GRM4: variants seen among roughly 807,000 people sequenced by gnomAD.
GRM4 encodes the protein metabotropic glutamate receptor 4.
Under a neutral mutation model 81.7 loss-of-function variants are expected in GRM4, and 28 were observed. That is an observed-to-expected ratio of 0.34 (90% confidence interval 0.25 to 0.47). The LOEUF is 0.47. Ranked by LOEUF, GRM4 falls within the 20% of genes least tolerant of loss-of-function variation. The pLI, the probability that GRM4 is intolerant of heterozygous loss-of-function variation, is 1.00. For missense variants in GRM4, 948 were observed against 1,290.0 expected, an observed-to-expected ratio of 0.73 and a Z score of 4.06; for synonymous variants, 488 against 528.8, an observed-to-expected ratio of 0.92 and a Z score of 1.06.
intron 2 of GRM4, among the ~76,000 whole-genome samples, chr6:34,120,362 G>A (rs1007845035): frequency 6.6e-6 from 1 of 152,140 alleles, no homozygotes; most frequent in African/African-American, 2.4e-5. Context: ...AGGTCCTGTG[G>A]GGGTGAGGGA....
intron 2 of GRM4, among the ~76,000 whole-genome samples, chr6:34,125,059 C>T (rs181160587): frequency 1.4e-4 from 22 of 152,220 alleles, no homozygotes; most frequent in South Asian, 1.2e-3. Flanking sequence ...CTGCAAGCTC[C>T]GCCTCCCGGG....
intron 9 of GRM4, among the ~76,000 whole-genome samples, chr6:34,033,925 G>A (rs2127441128): frequency 6.6e-6 from 1 of 152,256 alleles, no homozygotes; most frequent in East Asian, 1.9e-4. Flanking sequence ...TTTTGCTAGA[G>A]ACAGGGTTTC....
rs1245615793 is a variant in GRM4 at position 34,042,070 on chromosome 6, G to A, written c.1169-1322C>T. ...AGTTCAAGACCAGCCCAGCCAACAC[G>A]CTGAAACCCCATCTCTACTCAAAAT... is the stretch of plus-strand genomic sequence containing the variant. On this transcript the variant is annotated intron_variant, in intron 6 of 10. Coordinates refer to ENST00000538487, the MANE Select transcript of GRM4 (RefSeq NM_000841.4). The surrounding 1 kb of genome is among the most constrained non-coding windows in gnomAD (Gnocchi z 4.2). Among the ~76,000 whole-genome samples the A allele has an allele frequency of 6.6e-6, 1 of 152,122 alleles. No individual in the cohort carries two copies. Among genetic ancestry groups the A allele is most frequent in the Non-Finnish European group, 1.5e-5 (1 of 68,022 alleles).
At chr6:34,083,046 A>C (rs1767685945) in intron 3 of GRM4, among the ~76,000 whole-genome samples, 1 of 152,244 alleles carries the variant, frequency 6.6e-6, no homozygotes, top group South Asian at 2.1e-4. Context: ...GCTGTGAAAG[A>C]AAATGTTGCT....
At chr6:34,110,846 C>T in intron 2 of GRM4, 1 of 1,350,194 alleles carries the variant, frequency 7.4e-7, no homozygotes, top group Non-Finnish European at 9.5e-7. Context: ...CAGCCTTCCT[C>T]CAGCTCAGGC....
In GRM4 at chr6:34,040,264, G is replaced by A. The variant is rs144660534; in HGVS notation, c.1420C>T (p.Arg474Cys). ...AGCTGGTATTGGTAGATGTCATAGCGCCCAGGCGCATCTCCATTCTCATTG... is the reference window on the plus strand; with the variant it reads ...AGCTGGTATTGGTAGATGTCATAGCACCCAGGCGCATCTCCATTCTCATTG... ...TFNENGDAPG[R>C]YDIYQYQLRN... Residue 474 changes from arginine to cysteine, a missense_variant, in exon 8 of 11, where the codon CGC (arginine) becomes TGC (cysteine). Transcript: ENST00000538487. The A allele has an allele frequency of 2.5e-5, 40 of 1,614,080 alleles. No homozygotes were observed. Among genetic ancestry groups the A allele is most frequent in the Middle Eastern group, 1.6e-4 (1 of 6,062 alleles).
At position 34,036,690 on chromosome 6, in the gene GRM4, C is replaced by A; in HGVS notation, c.1507-87G>T. 1 of 712,064 alleles carries A rather than the reference C, an allele frequency of 1.4e-6. No homozygotes were observed. The highest frequency in any genetic ancestry group is 2.8e-5 in the Admixed American group (1 of 36,334). The allele number at this position is 712,064 out of a possible 1,614,324, so 44.1% of individuals were successfully genotyped here. ...CTACTGGGTGGTGGCACCTTGTAGC[C>A]CCACACTCAAATCACCCAGCTAGTT... On this transcript the variant is annotated intron_variant, in intron 8 of 10. Coordinates refer to ENST00000538487, the MANE Select transcript of GRM4 (RefSeq NM_000841.4). This position sits in a 1 kb window ranked among gnomAD's most constrained non-coding sequence, Gnocchi z 9.0.
At position 34,020,524 on chromosome 6, in the gene GRM4, A is replaced by ACCCCCCAC. The variant is rs1554169572; in HGVS notation, c.*2289_*2296dup. On this transcript the variant is annotated 3_prime_UTR_variant, in exon 11 of 11. Transcript: ENST00000538487. ...ACCCGCTTCTGCATTCCCCATCCCT[A>ACCCCCCAC]CCCCCCACCCCCCCACCCCCAACTG... is the stretch of plus-strand genomic sequence containing the variant. 1 of 103,620 alleles carries ACCCCCCAC rather than the reference A, an allele frequency of 9.7e-6. No homozygotes were observed. The highest frequency in any genetic ancestry group is 2.0e-5 in the Non-Finnish European group (1 of 50,226). The allele number at this position is 103,620 out of a possible 1,614,324, so 6.4% of individuals were successfully genotyped here.
intron 2 of GRM4, among the ~76,000 whole-genome samples, chr6:34,125,766 T>G (rs1007283535): frequency 6.6e-6 from 1 of 152,210 alleles, no homozygotes; most frequent in African/African-American, 2.4e-5. Context: ...CTGGCTCTGG[T>G]CTGGAGGTTC....
rs138497969 is a variant in GRM4, at chr6:34,152,505, G to T, written c.312+2574C>A. Among the ~76,000 whole-genome samples the T allele has an allele frequency of 1.3e-3, 198 of 152,230 alleles. 2 individuals are homozygous for T. Among genetic ancestry groups the T allele is most frequent in the African/African-American group, 4.3e-3 (179 of 41,546 alleles). Reference sequence around the variant, plus strand: ...GATTCTGCTCCCCTCGAAGGAGGCAGCAGCATTTCTGCAAACACCCCTTGT... The same window carrying T: ...GATTCTGCTCCCCTCGAAGGAGGCATCAGCATTTCTGCAAACACCCCTTGT... On this transcript the variant is annotated intron_variant, in intron 1 of 8. Transcript: ENST00000374177. The surrounding 1 kb of genome is among the most constrained non-coding windows in gnomAD (Gnocchi z 4.1).
rs1430185910 is a variant in GRM4, at chr6:34,031,257, C to T, written c.2443-2891G>A. 2.0e-5 allele frequency among the ~76,000 whole-genome samples: 3 copies of T among 152,216 alleles called. 1 individual carries two copies. Among genetic ancestry groups the T allele is most frequent in the Non-Finnish European group, 4.4e-5 (3 of 68,030 alleles). On this transcript the variant is annotated intron_variant, in intron 9 of 10. Transcript: ENST00000538487. ...TAGCCCGCTGGTGCCTGAACTCCCACCATCCCTGCTCTCCTGTGTGGATGG... is the reference window on the plus strand; with the variant it reads ...TAGCCCGCTGGTGCCTGAACTCCCATCATCCCTGCTCTCCTGTGTGGATGG...
intron 2 of GRM4, chr6:34,102,114 GC>G: frequency 2.0e-6 from 3 of 1,535,510 alleles, no homozygotes; most frequent in Non-Finnish European, 2.6e-6. Flanking sequence ...GGAAGAGTTT[GC>G]ACCATCTTGC....
chr6:34,150,845 A>G (rs1771030653), upstream of GRM4, among the ~76,000 whole-genome samples: 1 of 152,244 alleles, frequency 6.6e-6, no homozygotes, highest in Non-Finnish European at 1.5e-5. Flanking sequence ...GAGAGGAGGA[A>G]GCACTTTATT....
intron 3 of GRM4, among the ~76,000 whole-genome samples, chr6:34,084,449 C>T (rs1180624051): frequency 1.3e-5 from 2 of 152,114 alleles, no homozygotes; most frequent in East Asian, 1.9e-4. Flanking sequence ...ACTCCACCCC[C>T]GCCTGCTCCA....
chr6:34,129,306 C>A (rs562872733), intron 2 of GRM4, among the ~76,000 whole-genome samples: 1 of 152,292 alleles, frequency 6.6e-6, no homozygotes, highest in East Asian at 1.9e-4. Context: ...TGAGCCACTG[C>A]GCCAGCCACA....
chr6:34,084,035 C>T (rs1363552110), intron 3 of GRM4, among the ~76,000 whole-genome samples: 1 of 152,224 alleles, frequency 6.6e-6, no homozygotes, highest in African/African-American at 2.4e-5. Context: ...ACATTCTAAA[C>T]AAGTAGTTTT....
At chr6:34,123,089 C>A (rs1489360416) in intron 2 of GRM4, among the ~76,000 whole-genome samples, 2 of 152,178 alleles carry the variant, frequency 1.3e-5, no homozygotes, top group East Asian at 3.9e-4. Flanking sequence ...AGGGCGGCCA[C>A]GTTACCCAAG....
intron 2 of GRM4, among the ~76,000 whole-genome samples, chr6:34,129,084 G>A (rs1221628910): frequency 3.3e-5 from 5 of 151,180 alleles, no homozygotes; most frequent in Non-Finnish European, 7.4e-5. Flanking sequence ...GTGCGATCTC[G>A]GCTCACTGCA....
chr6:34,143,504 T>A (rs573069700), intron 1 of GRM4, among the ~76,000 whole-genome samples: 1 of 152,324 alleles, frequency 6.6e-6, no homozygotes, highest in South Asian at 2.1e-4. Context: ...CCCAGAGGCC[T>A]CTGCGGAAGT....
Sources: allele counts gnomAD v4.1 joint callset (sites outside exome capture counted in the v4.1 genomes callset), GRCh38; gene constraint gnomAD v4.1.1; non-coding constraint Gnocchi (gnomAD v3.1); transcripts MANE v1.5; gene names NCBI Gene and HGNC (gene_info 2026-07-23, HGNC 2026-07-21).